Variants in COL23A1 observed in about 807,000 individuals in gnomAD.
The protein encoded by COL23A1 is collagen alpha-1(XXIII) chain.
Under a neutral mutation model 99.3 loss-of-function variants are expected in COL23A1, and 97 were observed. The observed-to-expected ratio is 0.98, with a 90% CI of 0.83 to 1.16. The LOEUF (loss-of-function observed/expected upper bound fraction) is 1.16, where lower values mean the gene tolerates loss of function less well. COL23A1 is among the 50% of genes most tolerant of loss of function. The probability of loss-of-function intolerance (pLI) is 0.00; values close to 1 mark genes in which losing one functional copy is unlikely to be tolerated. For missense variants in COL23A1, 762 were observed against 757.4 expected (o/e 1.01, Z -0.07); for synonymous variants, 320 against 308.2 (o/e 1.04, Z -0.40).
chr5:178,373,699 A>C (rs915300686), intron 2 of COL23A1, among the ~76,000 whole-genome samples: 4 of 152,210 alleles, frequency 2.6e-5, no homozygotes, highest in Non-Finnish European at 5.9e-5. Context: ...TACAGGTGTG[A>C]GCCACCGTCC....
intron 2 of COL23A1, among the ~76,000 whole-genome samples, chr5:178,379,062 T>A (rs1208795654): frequency 6.6e-6 from 1 of 152,194 alleles, no homozygotes; most frequent in Non-Finnish European, 1.5e-5. Context: ...CATTAGCCTG[T>A]CTGGTTATGG....
At chr5:178,249,831 TAC>T (rs143479751) in intron 18 of COL23A1, among the ~76,000 whole-genome samples, 5,449 of 151,508 alleles carry the variant, frequency 0.036, 328 homozygotes, top group African/African-American at 0.13. Flanking sequence ...GTGTTCTCCA[TAC>T]ACAGAGTTAC....
At chr5:178,327,425 C>T (rs1036600244) in intron 2 of COL23A1, among the ~76,000 whole-genome samples, 1 of 152,188 alleles carries the variant, frequency 6.6e-6, no homozygotes, top group African/African-American at 2.4e-5. Flanking sequence ...CTCTCCCTGT[C>T]TCCCAGAACC....
chr5:178,447,136 C>T (rs1767204911), intron 2 of COL23A1, among the ~76,000 whole-genome samples: 1 of 151,506 alleles, frequency 6.6e-6, no homozygotes, highest in Non-Finnish European at 1.5e-5. Flanking sequence ...CTCTGTCACC[C>T]AGGCTGGAGT....
intron 2 of COL23A1, among the ~76,000 whole-genome samples, chr5:178,389,775 C>T (rs1763865983): frequency 6.6e-6 from 1 of 152,160 alleles, no homozygotes; most frequent in Non-Finnish European, 1.5e-5. Flanking sequence ...CTCCCTGTGG[C>T]CTTGGTGAGC....
At chr5:178,503,915 G>T (rs370349807) in intron 2 of COL23A1, among the ~76,000 whole-genome samples, 3 of 152,160 alleles carry the variant, frequency 2.0e-5, no homozygotes, top group Non-Finnish European at 1.5e-5. Flanking sequence ...GGGAGGGTGC[G>T]GGCTTCCCTG....
chr5:178,570,466 CAT>C (rs1763037899), intron 1 of COL23A1, among the ~76,000 whole-genome samples: 1 of 152,192 alleles, frequency 6.6e-6, no homozygotes, highest in African/African-American at 2.4e-5. Context: ...ACACTATGTA[CAT>C]ATGTTTTTCT....
intron 3 of COL23A1, among the ~76,000 whole-genome samples, chr5:178,305,225 A>C (rs1758286459): frequency 6.6e-6 from 1 of 152,214 alleles, no homozygotes; most frequent in Admixed American, 6.5e-5. Context: ...TCCAGAAGTC[A>C]AGGCAGAGAG....
intron 2 of COL23A1, among the ~76,000 whole-genome samples, chr5:178,554,833 G>A (rs548636318): frequency 7.5e-4 from 113 of 150,028 alleles, no homozygotes; most frequent in Admixed American, 2.3e-3. Context: ...ATTCTGGGAC[G>A]TAAAAAAAAA....
At chr5:178,382,570 A>C (rs1763442187) in intron 2 of COL23A1, among the ~76,000 whole-genome samples, 1 of 152,060 alleles carries the variant, frequency 6.6e-6, no homozygotes, top group Non-Finnish European at 1.5e-5. Context: ...CCATGGCCAG[A>C]GTGGGGGGTG....
chr5:178,384,278 C>G lies in COL23A1; in HGVS notation c.362-77359G>C, dbSNP rs1763548515. On this transcript the variant is annotated intron_variant, in intron 2 of 28. Coordinates refer to ENST00000390654, the MANE Select transcript of COL23A1 (RefSeq NM_173465.4). This position sits in a 1 kb window ranked among gnomAD's most constrained non-coding sequence, Gnocchi z 5.5. ...GCAGCTCCCCGCCCAGGGCAGTTCT[C>G]AAAACCTGGATCCGGCGACGGAGGC... 6.6e-6 allele frequency among the ~76,000 whole-genome samples: 1 copy of G among 152,254 alleles called. No homozygotes were observed. The highest frequency in any genetic ancestry group is 2.4e-5 in the African/African-American group (1 of 41,474).
At chr5:178,292,738 C>T (rs542570457) in intron 3 of COL23A1, among the ~76,000 whole-genome samples, 1 of 152,282 alleles carries the variant, frequency 6.6e-6, no homozygotes, top group African/African-American at 2.4e-5. Context: ...AAGAGGATCT[C>T]CCTAGTTTTG....
Position 178,385,359 on chromosome 5 carries a change from C to T in COL23A1, c.362-78440G>A, listed in dbSNP as rs80193995. Among the ~76,000 whole-genome samples the T allele has an allele frequency of 8.5e-3, 1,301 of 152,312 alleles. 26 individuals are homozygous for T. The highest frequency in any genetic ancestry group is 0.03 in the African/African-American group (1,250 of 41,556). ...ACACCCCTGCTCTATCAAACACCACCCCCACAGGCCCACACGTCTTCATGT... is the reference window on the plus strand; with the variant it reads ...ACACCCCTGCTCTATCAAACACCACTCCCACAGGCCCACACGTCTTCATGT... On this transcript the variant is annotated intron_variant, in intron 2 of 28. Transcript: ENST00000390654.
At chr5:178,483,766 T>C (rs1340477560) in intron 2 of COL23A1, among the ~76,000 whole-genome samples, 1 of 152,234 alleles carries the variant, frequency 6.6e-6, no homozygotes, top group Non-Finnish European at 1.5e-5. Context: ...TGCGGCCATC[T>C]TTACCCACAA....
At chr5:178,561,694 C>T (rs1343018614) in intron 1 of COL23A1, 2 of 152,294 alleles carry the variant, frequency 1.3e-5, no homozygotes, top group Admixed American at 6.5e-5. Context: ...AAAAAATCCC[C>T]CTAAAAGCAA....
chr5:178,254,186 C>T (rs1180344730), intron 16 of COL23A1, among the ~76,000 whole-genome samples: 7 of 152,146 alleles, frequency 4.6e-5, no homozygotes, highest in African/African-American at 1.7e-4. Flanking sequence ...GTCCATCTCC[C>T]AACTCCCTGC....
intron 22 of COL23A1, among the ~76,000 whole-genome samples, chr5:178,246,784 A>T (rs1461624446): frequency 6.6e-6 from 1 of 152,136 alleles, no homozygotes; most frequent in Non-Finnish European, 1.5e-5. Context: ...CTGGGTCCCC[A>T]TCAGGCTTCT....
intron 2 of COL23A1, among the ~76,000 whole-genome samples, chr5:178,321,741 A>G (rs925308613): frequency 2.0e-5 from 3 of 152,002 alleles, no homozygotes; most frequent in South Asian, 2.1e-4. Context: ...CACCCGCCTC[A>G]GCCTCCCAAA....
At position 178,287,713 on chromosome 5, in the gene COL23A1, C is replaced by T. The variant is rs192254403; in HGVS notation, c.441+611G>A. Among the ~76,000 whole-genome samples the T allele has an allele frequency of 3.2e-4, 49 of 152,350 alleles. No individual in the cohort carries two copies. In the East Asian group the frequency reaches 8.5e-3, roughly 26 times the overall value. ...CCAATCTCTTCTGCTGCTGGGCTCC[C>T]CCTACTCTTTCTGACATCCCAGGAC... On this transcript the variant is annotated intron_variant, in intron 5 of 28. Transcript: ENST00000390654.
Sources: allele counts gnomAD v4.1 joint callset (sites outside exome capture counted in the v4.1 genomes callset), GRCh38; gene constraint gnomAD v4.1.1; non-coding constraint Gnocchi (gnomAD v3.1); transcripts MANE v1.5; gene names NCBI Gene and HGNC (gene_info 2026-07-23, HGNC 2026-07-21).